LILRB1: variants seen among roughly 807,000 people sequenced by gnomAD.
The protein encoded by LILRB1 is leukocyte immunoglobulin like receptor B1, also known as leukocyte immunoglobulin-like receptor subfamily B member 1.
LILRB1 carries 59 observed loss-of-function variants against 74.6 expected under a neutral mutation model. The observed-to-expected ratio is 0.79, with a 90% CI of 0.64 to 0.98. LILRB1 has a LOEUF of 0.98. Ranked by LOEUF, LILRB1 falls within the 50% of genes least tolerant of loss-of-function variation. The pLI is 0.00. For synonymous variants in LILRB1, 328 were observed against 333.9 expected (o/e 0.98, Z 0.19); for missense variants, 804 against 822.6 (o/e 0.98, Z 0.28).
At chr19:54,631,248 C>A in intron 2 of LILRB1, 23 bp from the exon 3 acceptor site, 1 of 1,613,890 alleles carries the variant, frequency 6.2e-7, no homozygotes. Context: ...GGGGCAAATC[C>A]CTCACCGGGA....
chr19:54,632,586 G>A lies in LILRB1; in HGVS notation c.784G>A (p.Glu262Lys). 6.2e-7 allele frequency: 1 copy of A among 1,614,160 alleles called. No individual in the cohort carries two copies. Among genetic ancestry groups the A allele is most frequent in the Non-Finnish European group, 8.5e-7 (1 of 1,180,008 alleles). ...CAGATTTGTTCTGTATAAGGACGGG[G>A]AACGTGACTTCCTTCAGCTCGCTGG... is the stretch of plus-strand genomic sequence containing the variant. ...YNRFVLYKDG[E>K]RDFLQLAGAQ... The change falls in exon 6 of 15, where the codon GAA becomes AAA. Residue 262 changes from glutamate (E) to lysine (K), a missense_variant. Physicochemically the swap from Glu to Lys is moderately conservative, Grantham distance 56. Transcript: ENST00000324602.
intron 8 of LILRB1, 78 bp downstream of exon 8, chr19:54,633,766 T>C (rs1162679491): frequency 6.6e-7 from 1 of 1,519,280 alleles, no homozygotes; most frequent in African/African-American, 1.4e-5. Flanking sequence ...AGAATCCCAT[T>C]CCCCTCAAAG....
intron 9 of LILRB1, chr19:54,634,275 T>G: frequency 1.3e-6 from 2 of 1,533,584 alleles, no homozygotes; most frequent in East Asian, 2.5e-5. Context: ...CGGGGGCCTG[T>G]CCCGTCCCAC....
intron 1 of LILRB1, among the ~76,000 whole-genome samples, chr19:54,624,297 G>T (rs1421468856): frequency 6.6e-6 from 1 of 152,162 alleles, no homozygotes; most frequent in Non-Finnish European, 1.5e-5. Context: ...AGGGAGGAAC[G>T]TTGTCTGTCT....
rs150318852 is a variant in LILRB1, at chr19:54,618,658, G to C, written c.-166+1309G>C. Reference sequence around the variant, plus strand: ...AAAATTATAAACCCAGCCCAAAACAGAATGATCTTTGCTTGTATAATTTTT... The same window carrying C: ...AAAATTATAAACCCAGCCCAAAACACAATGATCTTTGCTTGTATAATTTTT... On this transcript the variant is annotated intron_variant, in intron 1 of 15. Transcript: ENST00000396331. Among the ~76,000 whole-genome samples the C allele has an allele frequency of 2.6e-3, 394 of 152,244 alleles. 3 individuals carry two copies. The highest frequency in any genetic ancestry group is 0.01 in the Middle Eastern group (3 of 294).
intron 5 of LILRB1, 46 bp downstream of exon 5, chr19:54,632,283 A>G: frequency 6.3e-7 from 1 of 1,575,926 alleles, no homozygotes; most frequent in Non-Finnish European, 8.6e-7. Flanking sequence ...GTCTCCAGGC[A>G]GGTGGGGAGC....
intron 9 of LILRB1, chr19:54,634,307 G>C (rs2064192126): frequency 1.9e-6 from 3 of 1,540,096 alleles, no homozygotes; most frequent in Non-Finnish European, 2.6e-6. Flanking sequence ...ACGGTGACCT[G>C]GGGCAGGGGA....
intron 2 of LILRB1, 73 bp from the exon 3 acceptor site, chr19:54,631,198 A>T: frequency 1.2e-6 from 2 of 1,613,990 alleles, no homozygotes; most frequent in Non-Finnish European, 1.7e-6. Context: ...CCAGGGGCTC[A>T]CAAAGATCCC....
At chr19:54,635,536 C>A (rs745388739) in intron 12 of LILRB1, 21 bp from the exon 13 acceptor site, 1 of 1,606,900 alleles carries the variant, frequency 6.2e-7, no homozygotes, top group Non-Finnish European at 8.5e-7. Flanking sequence ...AAGAGACAAA[C>A]CCCTTGCTCT....
chr19:54,627,002 C>T (rs940934302), upstream of LILRB1, among the ~76,000 whole-genome samples: 4 of 152,182 alleles, frequency 2.6e-5, no homozygotes, highest in African/African-American at 7.2e-5. Flanking sequence ...GAGTGTGGCC[C>T]GGGTCACTGA....
chr19:54,617,163 A>AAGAGG (rs1206940821), exon 1 of LILRB1: 2 of 152,346 alleles, frequency 1.3e-5, no homozygotes, highest in Non-Finnish European at 2.9e-5. Context: ...GAGAAGAGAA[A>AAGAGG]AGAGGAGAGG....
upstream of LILRB1, among the ~76,000 whole-genome samples, chr19:54,616,947 G>A (rs922370207): frequency 6.6e-6 from 1 of 152,126 alleles, no homozygotes; most frequent in Admixed American, 6.5e-5. Flanking sequence ...TTTTAAAAAG[G>A]CTTGTCCAGG....
chr19:54,633,656 G>GCTCCCCGACAACAGGCCCCAC lies in LILRB1; in HGVS notation c.1285_1305dup (p.Pro429_Ser435dup). 1 of 1,613,716 alleles carries GCTCCCCGACAACAGGCCCCAC rather than the reference G, an allele frequency of 6.2e-7. No homozygotes were observed. The highest frequency in any genetic ancestry group is 8.5e-7 in the Non-Finnish European group (1 of 1,179,802). ...TACCCAGGACCGTCTGGGGGCCCCA[G>GCTCCCCGACAACAGGCCCCAC]CTCCCCGACAACAGGCCCCACCTCC... On this transcript the variant is annotated inframe_insertion, in exon 8 of 15. Transcript: ENST00000324602.
At position 54,631,806 on chromosome 19, in the gene LILRB1, GTCCC is replaced by G. The variant is rs2063886030; in HGVS notation, c.358+20_358+23del. 6.4e-7 allele frequency: 1 copy of G among 1,566,910 alleles called. No individual in the cohort carries two copies. Among genetic ancestry groups the G allele is most frequent in the African/African-American group, 1.3e-5 (1 of 74,162 alleles). On this transcript the variant is annotated intron_variant, in intron 4 of 14. Coordinates refer to ENST00000324602, the MANE Select transcript of LILRB1 (RefSeq NM_001081637.3). ...GTGACAGGTGAGCTGACACTCAGGGGTCCCAGCCCCAGACTCTGCCCTCAGGAAG... is the reference window on the plus strand; with the variant it reads ...GTGACAGGTGAGCTGACACTCAGGGGAGCCCCAGACTCTGCCCTCAGGAAG...
chr19:54,625,105 G>A (rs544486328), intron 1 of LILRB1, among the ~76,000 whole-genome samples: 1 of 136,628 alleles, frequency 7.3e-6, no homozygotes, highest in South Asian at 2.7e-4. Context: ...CAGGGACAGA[G>A]GCAGAGGTGG....
At chr19:54,633,896 A>T in intron 8 of LILRB1, 75 bp from the exon 9 acceptor site, 1 of 1,535,790 alleles carries the variant, frequency 6.5e-7, no homozygotes. Context: ...GTTGGGGCCC[A>T]GCCTGGGGGA....
chr19:54,632,666 C>G lies in LILRB1; in HGVS notation c.864C>G (p.Ser288Arg), dbSNP rs763313978. Residue 288 changes from serine (S) to arginine (R), a missense_variant, in exon 6 of 15, where the codon AGC becomes AGG. Ser to Arg is a moderately radical substitution (Grantham distance 110). Transcript: ENST00000324602. Reference sequence around the variant, plus strand: ...CCAACTTCACCCTGGGCCCTGTGAGCCGCTCCTACGGGGGCCAGTACAGAT... The same window carrying G: ...CCAACTTCACCCTGGGCCCTGTGAGGCGCTCCTACGGGGGCCAGTACAGAT... ...SQANFTLGPV[S>R]RSYGGQYRCY... The G allele has an allele frequency of 3.7e-6, 6 of 1,613,774 alleles. No individual in the cohort carries two copies. Among genetic ancestry groups the G allele is most frequent in the Admixed American group, 1.7e-5 (1 of 60,024 alleles).
chr19:54,625,188 T>C (rs1411364485), intron 1 of LILRB1, among the ~76,000 whole-genome samples: 2 of 143,042 alleles, frequency 1.4e-5, no homozygotes, highest in Non-Finnish European at 3.1e-5. Flanking sequence ...AGGGCCACGG[T>C]GTTCGGGTGG....
At chr19:54,620,027 A>T (rs1227371862) in intron 1 of LILRB1, among the ~76,000 whole-genome samples, 2 of 151,520 alleles carry the variant, frequency 1.3e-5, no homozygotes, top group African/African-American at 2.4e-5. Flanking sequence ...TTGGTGATGC[A>T]TATAAAACAC....
Sources: allele counts gnomAD v4.1 joint callset (sites outside exome capture counted in the v4.1 genomes callset), GRCh38; gene constraint gnomAD v4.1.1; transcripts MANE v1.5; gene names NCBI Gene and HGNC (gene_info 2026-07-23, HGNC 2026-07-21).